Variants in PCDHA4 observed in about 807,000 individuals in gnomAD.
PCDHA4 encodes the protein protocadherin alpha-4.
PCDHA4 carries 49 observed loss-of-function variants against 61.4 expected under a neutral mutation model. That is an observed-to-expected ratio of 0.80 (90% CI 0.63 to 1.01). The LOEUF is 1.01. Ranked by LOEUF, PCDHA4 falls within the 50% of genes least tolerant of loss-of-function variation. The pLI is 0.00. For missense variants in PCDHA4, 1,254 were observed against 1,235.8 expected (o/e 1.01, Z -0.22); for synonymous variants, 590 against 550.3 (o/e 1.07, Z -1.01).
chr5:140,919,694 ATTAAC>A (rs1313954013), intron 1 of PCDHA4, among the ~76,000 whole-genome samples: 5 of 152,200 alleles, frequency 3.3e-5, no homozygotes, highest in Non-Finnish European at 7.3e-5. Context: ...TCAGATTTAT[ATTAAC>A]TTAATTCTAG....
At chr5:140,903,347 A>C (rs1393300562) in intron 1 of PCDHA4, among the ~76,000 whole-genome samples, 2 of 152,228 alleles carry the variant, frequency 1.3e-5, no homozygotes, top group Non-Finnish European at 2.9e-5. Context: ...GCATTTTAAA[A>C]AACAAGTTTT....
chr5:140,851,678 C>T, intron 1 of PCDHA4: 1 of 917,638 alleles, frequency 1.1e-6, no homozygotes, highest in Non-Finnish European at 1.3e-6. Context: ...GAAATTTTCT[C>T]CATTCAGTGA....
In PCDHA4 at chr5:140,830,166, C is replaced by T. The variant is rs144102346; in HGVS notation, c.2385+20594C>T. Reference sequence around the variant, plus strand: ...GTGGGCGCCGCGGGCCCAGAGGCGGCGCTGGTGGATGTCAACGTGTACCTG... The same window carrying T: ...GTGGGCGCCGCGGGCCCAGAGGCGGTGCTGGTGGATGTCAACGTGTACCTG... On this transcript the variant is annotated intron_variant, in intron 1 of 3. Transcript: ENST00000530339. 1.9e-4 allele frequency: 303 copies of T among 1,613,518 alleles called. 1 individual carries two copies. The African/African-American group carries it at 3.5e-3, about 18-fold the overall frequency.
rs2150425663 is a variant in PCDHA4, at chr5:140,848,940, G to A, written c.2385+39368G>A. On this transcript the variant is annotated intron_variant, in intron 1 of 3. Coordinates refer to ENST00000530339, the MANE Select transcript of PCDHA4 (RefSeq NM_018907.4). The stretch of plus-strand genomic sequence containing the variant: ...GTTCATCGCGGAATCCAGGCCGCTT[G>A]ACTCTCGGTTTCCACTAGAGGGCGC... 7.5e-6 allele frequency: 12 copies of A among 1,607,456 alleles called. No individual in the cohort carries two copies. In the South Asian group the frequency reaches 1.2e-4, roughly 16 times the overall value.
intron 1 of PCDHA4, chr5:140,825,159 C>T (rs2150138448): frequency 9.9e-5 from 15 of 151,540 alleles, no homozygotes; most frequent in Admixed American, 4.6e-4. Context: ...TTTAATCTTG[C>T]TTTTTTCATT....
intron 1 of PCDHA4, among the ~76,000 whole-genome samples, chr5:140,909,493 G>T (rs989826667): frequency 6.6e-6 from 1 of 152,184 alleles, no homozygotes; most frequent in African/African-American, 2.4e-5. Context: ...AGAGCTGAAC[G>T]GGGATGTGGT....
rs553716577 is a variant in PCDHA4 at position 140,809,243 on chromosome 5, G to T, written c.2056G>T (p.Ala686Ser). Residue 686 changes from alanine (A) to serine (S), a missense_variant, in exon 1 of 4, where the codon GCT becomes TCT. Transcript: ENST00000530339. ...GGCCTCCTCACGGGCGTTGGTGGGC[G>T]CTGTGGGTCCCGATGCTGCGCTGGT... ...PKASSRALVG[A>S]VGPDAALVDV... 6.8e-6 allele frequency: 11 copies of T among 1,614,094 alleles called. No individual in the cohort carries two copies. The African/African-American group carries it at 8.0e-5, about 12-fold the overall frequency.
intron 1 of PCDHA4, chr5:140,930,288 T>A (rs2086713135): frequency 6.6e-6 from 1 of 152,212 alleles, no homozygotes; most frequent in African/African-American, 2.4e-5. Context: ...CAAATACACT[T>A]AACAAATAAG....
At chr5:140,813,163 A>G (rs1312537923) in intron 1 of PCDHA4, 2 of 152,282 alleles carry the variant, frequency 1.3e-5, no homozygotes, top group Non-Finnish European at 1.5e-5. Context: ...CATTTCAGCT[A>G]TAGTGTTGTT....
At chr5:140,949,944 T>TTTAGTGG (rs2094435490) in intron 1 of PCDHA4, among the ~76,000 whole-genome samples, 1 of 151,908 alleles carries the variant, frequency 6.6e-6, no homozygotes, top group South Asian at 2.1e-4. Context: ...ATTTGCATTT[T>TTTAGTGG]TTAGTGGTTG....
In PCDHA4 at chr5:140,842,631, C is replaced by G; in HGVS notation, c.2385+33059C>G. 4 of 1,595,224 alleles carry G rather than the reference C, an allele frequency of 2.5e-6. 2 individuals are homozygous for G. The South Asian group carries it at 4.4e-5, about 18-fold the overall frequency. ...GACGGGGGCTCGCCTTCGCTGTGGG[C>G]CACCGCCAGCTTGTCTGTGGAGGTG... On this transcript the variant is annotated intron_variant, in intron 1 of 3. Transcript: ENST00000530339.
At chr5:140,974,109 T>A (rs192229356) in intron 1 of PCDHA4, among the ~76,000 whole-genome samples, 366 of 152,368 alleles carry the variant, frequency 2.4e-3, no homozygotes, top group Non-Finnish European at 3.7e-3. Context: ...AAAAGTATTC[T>A]TTTGCAGTGT....
chr5:140,866,864 G>T (rs1217408755), intron 1 of PCDHA4: 1 of 152,050 alleles, frequency 6.6e-6, no homozygotes, highest in African/African-American at 2.4e-5. Context: ...GTATTGAAAT[G>T]ACTTCTTGGT....
chr5:140,810,870 C>T (rs900073514), intron 1 of PCDHA4: 3 of 152,002 alleles, frequency 2.0e-5, no homozygotes, highest in East Asian at 1.9e-4. Context: ...TCAATTTTTG[C>T]TTCTGATCCT....
intron 1 of PCDHA4, among the ~76,000 whole-genome samples, chr5:140,895,640 T>G (rs1554186577): frequency 6.6e-6 from 1 of 152,220 alleles, no homozygotes; most frequent in Non-Finnish European, 1.5e-5. Flanking sequence ...ACATTCTTTT[T>G]TAGCTCCCAC....
chr5:140,901,148 CA>C (rs1244292469), intron 1 of PCDHA4, among the ~76,000 whole-genome samples: 17 of 152,076 alleles, frequency 1.1e-4, no homozygotes, highest in Non-Finnish European at 2.4e-4. Context: ...TATTTTCTCT[CA>C]ATCTGTGGGT....
At chr5:140,858,647 A>T in intron 1 of PCDHA4, 1 of 821,512 alleles carries the variant, frequency 1.2e-6, no homozygotes, top group Non-Finnish European at 1.8e-6. Context: ...ATTGGTACTT[A>T]AATTTTTTTA....
At chr5:140,837,511 G>A (rs1335097431) in intron 1 of PCDHA4, among the ~76,000 whole-genome samples, 2 of 96,626 alleles carry the variant, frequency 2.1e-5, no homozygotes, top group Non-Finnish European at 4.1e-5. Context: ...TTCTGAAGCA[G>A]TTTACTTTTT....
intron 1 of PCDHA4, among the ~76,000 whole-genome samples, chr5:140,954,496 T>G (rs571286912): frequency 2.3e-4 from 35 of 152,256 alleles, no homozygotes; most frequent in Non-Finnish European, 2.8e-4. Context: ...CATTGTGGTT[T>G]TGATTTGCAT....
Sources: gnomAD v4.1 joint callset for allele counts (sites outside exome capture counted in the v4.1 genomes callset) on GRCh38, gnomAD v4.1.1 for gene constraint, MANE v1.5 for transcripts, NCBI Gene and HGNC (gene_info 2026-07-23, HGNC 2026-07-21) for gene names.